The following NALF1 variants were observed in gnomAD, a reference collection of about 807,000 sequenced individuals.
The protein encoded by NALF1 is family with sequence similarity 155 member A.
NALF1 carries 3 observed loss-of-function variants against 48.4 expected under a neutral mutation model. The ratio of observed to expected loss-of-function variants is 0.06; its 90% CI spans 0.03 to 0.16. The LOEUF is 0.16. Ranked by LOEUF, NALF1 falls within the 10% of genes least tolerant of loss-of-function variation. The pLI is 1.00. For missense variants in NALF1, 526 were observed against 571.5 expected, an observed-to-expected ratio of 0.92 and a Z score of 0.81; for synonymous variants, 262 against 245.7, an observed-to-expected ratio of 1.07 and a Z score of -0.62.
chr13:107,306,001 G>A (rs1223067045), intron 1 of NALF1, among the ~76,000 whole-genome samples: 2 of 152,140 alleles, frequency 1.3e-5, no homozygotes, highest in Non-Finnish European at 2.9e-5. Flanking sequence ...TAGCGGTGAG[G>A]GGAGTGGGTG....
chr13:107,194,050 A>G (rs922220656), intron 2 of NALF1, among the ~76,000 whole-genome samples: 10 of 113,870 alleles, frequency 8.8e-5, no homozygotes, highest in Non-Finnish European at 1.5e-4. Context: ...CTATCTATCT[A>G]TCTATCTATA....
intron 1 of NALF1, among the ~76,000 whole-genome samples, chr13:107,398,991 C>A (rs1883759118): frequency 2.0e-5 from 3 of 152,176 alleles, no homozygotes; most frequent in South Asian, 2.1e-4. Flanking sequence ...AATGTTCATT[C>A]TCCGGCCTGA....
intron 1 of NALF1, among the ~76,000 whole-genome samples, chr13:107,573,155 C>T (rs1438927333): frequency 6.6e-6 from 1 of 152,166 alleles, no homozygotes; most frequent in African/African-American, 2.4e-5. Flanking sequence ...TGCTCTAGAC[C>T]TCTGACCACA....
chr13:107,425,837 T>C (rs575307944), intron 1 of NALF1, among the ~76,000 whole-genome samples: 1 of 152,304 alleles, frequency 6.6e-6, no homozygotes, highest in East Asian at 1.9e-4. Context: ...AGATATTAGA[T>C]ATCTCTGTAC....
intron 1 of NALF1, among the ~76,000 whole-genome samples, chr13:107,257,454 C>G (rs1439621820): frequency 6.6e-6 from 1 of 151,092 alleles, no homozygotes; most frequent in African/African-American, 2.4e-5. Context: ...AAGAGCTATC[C>G]TGAGCACTAA....
At chr13:107,794,530 T>C (rs888491517) in intron 1 of NALF1, among the ~76,000 whole-genome samples, 4 of 150,604 alleles carry the variant, frequency 2.7e-5, no homozygotes, top group South Asian at 2.1e-4. Context: ...TATTATATTA[T>C]TGAAAAACAA....
chr13:107,621,497 C>T (rs1480688774), intron 1 of NALF1, among the ~76,000 whole-genome samples: 2 of 152,172 alleles, frequency 1.3e-5, no homozygotes, highest in Non-Finnish European at 2.9e-5. Flanking sequence ...ACAGTCCTAG[C>T]AACTAGAGAA....
intron 1 of NALF1, among the ~76,000 whole-genome samples, chr13:107,682,137 G>A (rs1881320133): frequency 6.6e-6 from 1 of 152,150 alleles, no homozygotes; most frequent in African/African-American, 2.4e-5. Context: ...CTTTCTCCTA[G>A]GTCGTGCAAA....
intron 1 of NALF1, among the ~76,000 whole-genome samples, chr13:107,500,213 T>C (rs1018597): frequency 0.051 from 7,723 of 152,274 alleles, 426 homozygotes; most frequent in African/African-American, 0.13. Flanking sequence ...CATCATTTTA[T>C]ACCTTAGTCC....
intron 1 of NALF1, among the ~76,000 whole-genome samples, chr13:107,780,568 G>A (rs1278032682): frequency 6.6e-6 from 1 of 151,166 alleles, no homozygotes; most frequent in Non-Finnish European, 1.5e-5. Flanking sequence ...ATGTGATCTC[G>A]GCTCACTGCA....
chr13:107,353,776 A>G (rs946963742), intron 1 of NALF1, among the ~76,000 whole-genome samples: 7 of 152,208 alleles, frequency 4.6e-5, no homozygotes, highest in African/African-American at 1.7e-4. Context: ...TTGAGTGCTC[A>G]TGTACACACA....
chr13:107,782,648 G>A (rs1237799833), intron 1 of NALF1, among the ~76,000 whole-genome samples: 3 of 151,850 alleles, frequency 2.0e-5, no homozygotes, highest in Non-Finnish European at 2.9e-5. Context: ...AGGAAGTGAG[G>A]AGCGTCTCTG....
intron 1 of NALF1, among the ~76,000 whole-genome samples, chr13:107,330,773 A>G (rs1882454079): frequency 6.6e-6 from 1 of 152,236 alleles, no homozygotes; most frequent in Admixed American, 6.5e-5. Context: ...AAGTGCGATC[A>G]GTCTAAATTC....
intron 1 of NALF1, among the ~76,000 whole-genome samples, chr13:107,648,241 A>G (rs1805738725): frequency 6.6e-6 from 1 of 152,108 alleles, no homozygotes; most frequent in Non-Finnish European, 1.5e-5. Context: ...GTGCAGTTCT[A>G]TGGGTTTTGA....
At chr13:107,422,003 T>C (rs1010215347) in intron 1 of NALF1, among the ~76,000 whole-genome samples, 7 of 152,274 alleles carry the variant, frequency 4.6e-5, no homozygotes, top group Non-Finnish European at 8.8e-5. Flanking sequence ...TTTGGCATTC[T>C]ATTCCTTGTG....
intron 1 of NALF1, among the ~76,000 whole-genome samples, chr13:107,857,721 A>T (rs956480892): frequency 3.3e-4 from 51 of 152,374 alleles, no homozygotes; most frequent in African/African-American, 1.2e-3. Context: ...GAGAAGCACA[A>T]TAAATGTAGG....
At chr13:107,613,388 C>A (rs1158059629) in intron 1 of NALF1, among the ~76,000 whole-genome samples, 1 of 152,134 alleles carries the variant, frequency 6.6e-6, no homozygotes, top group Admixed American at 6.5e-5. Context: ...TCTCTCCAGG[C>A]CAACTGGGGA....
At chr13:107,394,409 T>A (rs1190404591) in intron 1 of NALF1, among the ~76,000 whole-genome samples, 2 of 152,166 alleles carry the variant, frequency 1.3e-5, no homozygotes, top group African/African-American at 4.8e-5. Flanking sequence ...AGAGTATATG[T>A]GCTGTGACTA....
chr13:107,866,842 T>C lies in NALF1; in HGVS notation c.-246A>G. 1 of 542,682 alleles carries C rather than the reference T, an allele frequency of 1.8e-6. No homozygotes were observed. Among genetic ancestry groups the C allele is most frequent in the Non-Finnish European group, 3.2e-6 (1 of 309,000 alleles). The allele number at this position is 542,682 out of a possible 1,614,324, so 33.6% of individuals were successfully genotyped here. A position where few individuals can be genotyped will look rare whatever the true frequency, so the allele number is the denominator to read the frequency against. On this transcript the variant is annotated 5_prime_UTR_variant, in exon 1 of 3. Coordinates refer to ENST00000375915, the MANE Select transcript of NALF1 (RefSeq NM_001080396.3). The surrounding 1 kb of genome is among the most constrained non-coding windows in gnomAD (Gnocchi z 4.4). ...TATTACCAGGCTTTGAAGGAAGGTC[T>C]GACTTGCTTCCTAATCATCAGCCGA...
Sources: allele counts gnomAD v4.1 joint callset (sites outside exome capture counted in the v4.1 genomes callset), GRCh38; gene constraint gnomAD v4.1.1; non-coding constraint Gnocchi (gnomAD v3.1); transcripts MANE v1.5; gene names NCBI Gene and HGNC (gene_info 2026-07-23, HGNC 2026-07-21).